RINL: variants seen among roughly 807,000 people sequenced by gnomAD.
RINL encodes the protein Ras and Rab interactor like, also known as ras and Rab interactor-like protein.
A neutral mutation model predicts 58.1 loss-of-function variants in RINL; 39 were observed. That is an observed-to-expected ratio of 0.67 (90% CI 0.52 to 0.88). The LOEUF (loss-of-function observed/expected upper bound fraction) is 0.88, where lower values mean the gene tolerates loss of function less well. RINL is among the 40% of genes least tolerant of loss of function. The pLI is 0.00. For synonymous variants in RINL, 286 were observed against 323.1 expected (o/e 0.89, Z 1.23); for missense variants, 711 against 749.2 (o/e 0.95, Z 0.60).
chr19:38,874,013 C>T (rs762015667), intron 3 of RINL, 25 bp from the exon 4 acceptor site: 11 of 1,407,766 alleles, frequency 7.8e-6, no homozygotes, highest in Middle Eastern at 1.7e-4. Context: ...CAAAGGCCAG[C>T]GTGACAAAGG....
Position 38,878,218 on chromosome 19 carries a change from C to T in RINL, c.-40+14G>A, listed in dbSNP as rs895440348. On this transcript the variant is annotated intron_variant, in intron 1 of 11. Transcript: ENST00000591812. ...GGCTGAAGATGCCAGATGCTCGGTT[C>T]CTGGGGGCCCTACCTGTTCTCGGAG... The T allele has an allele frequency of 6.6e-6, 1 of 151,954 alleles. No homozygotes were observed. The highest frequency in any genetic ancestry group is 1.5e-5 in the Non-Finnish European group (1 of 68,058). The allele number at this position is 151,954 out of a possible 1,614,324, so 9.4% of individuals were successfully genotyped here.
rs148295876 is a variant in RINL, at chr19:38,871,671, G to C, written c.427C>G (p.Leu143Val). Reference protein sequence around the residue: ...PRTLLLPPPTLGPRDEHTDPV... With the variant: ...PRTLLLPPPTVGPRDEHTDPV... ...CCTGTGTGTTCATCTCTGGGCCCTA[G>C]AGTGGGAGGGGGCAAGAGCAGGGTT... The change falls in exon 6 of 12, where the codon CTA becomes GTA. Residue 143 changes from leucine (L) to valine (V), a missense_variant. Transcript: ENST00000591812. 1.9e-6 allele frequency: 3 copies of C among 1,614,098 alleles called. No homozygotes were observed. The highest frequency in any genetic ancestry group is 1.7e-6 in the Non-Finnish European group (2 of 1,180,000).
At chr19:38,872,166 GGC>G (rs1231257842) in intron 4 of RINL, among the ~76,000 whole-genome samples, 2 of 152,174 alleles carry the variant, frequency 1.3e-5, no homozygotes, top group Non-Finnish European at 1.5e-5. Context: ...TTTAGCGGGG[GGC>G]GGAGGGGGAA....
In RINL at chr19:38,870,353, C is replaced by T; in HGVS notation, c.1025-93G>A. The stretch of plus-strand genomic sequence containing the variant: ...ACAACCCACCCTGGCCCACAGCCAC[C>T]CCTGCCTAGCTCTGGTCCCCCGTGA... On this transcript the variant is annotated intron_variant, in intron 8 of 11. Coordinates refer to ENST00000591812, the MANE Select transcript of RINL (RefSeq NM_001195833.2). The surrounding 1 kb of genome is among the most constrained non-coding windows in gnomAD (Gnocchi z 5.8). 2 of 1,092,492 alleles carry T rather than the reference C, an allele frequency of 1.8e-6. No homozygotes were observed. The highest frequency in any genetic ancestry group is 2.5e-6 in the Non-Finnish European group (2 of 805,574). 67.7% of individuals were successfully genotyped at this position (1,092,492 alleles called of 1,614,324 possible).
intron 3 of RINL, among the ~76,000 whole-genome samples, chr19:38,874,791 T>C (rs933045401): frequency 4.1e-4 from 63 of 152,188 alleles, no homozygotes; most frequent in African/African-American, 1.4e-3. Flanking sequence ...ATGATTGATA[T>C]AGGTGGTGGT....
chr19:38,871,085 AT>A lies in RINL; in HGVS notation c.593del (p.His198LeufsTer16). 1 of 1,599,720 alleles carries A rather than the reference AT, an allele frequency of 6.3e-7. No individual in the cohort carries two copies. The highest frequency in any genetic ancestry group is 8.5e-7 in the Non-Finnish European group (1 of 1,173,412). ...GGGCCCCGCCCAGCTAACCTGGATC[AT>A]GTCTCTGAGCAGCCTCTGGCTCTGT... The part of the protein sequence containing the change: ...QETEPEAAQR[H>X]DPAPRNPAPH... On this transcript the variant is annotated frameshift_variant, in exon 7 of 12. Coordinates refer to ENST00000591812, the MANE Select transcript of RINL (RefSeq NM_001195833.2). LOFTEE classifies it high-confidence loss of function.
rs1972758838 is a variant in RINL, at chr19:38,869,833, A to G, written c.1342+110T>C. 2.0e-6 allele frequency: 3 copies of G among 1,531,408 alleles called. No individual in the cohort carries two copies. The highest frequency in any genetic ancestry group is 2.6e-6 in the Non-Finnish European group (3 of 1,134,936). 94.9% of individuals were successfully genotyped at this position (1,531,408 alleles called of 1,614,324 possible). ...CTTGTCGGGCATGACAGCGCCTCCTACCAGAATCTTCAGGACCGCATAGAT... is the reference window on the plus strand; with the variant it reads ...CTTGTCGGGCATGACAGCGCCTCCTGCCAGAATCTTCAGGACCGCATAGAT... On this transcript the variant is annotated intron_variant, in intron 9 of 11. Coordinates refer to ENST00000591812, the MANE Select transcript of RINL (RefSeq NM_001195833.2). This position sits in a 1 kb window ranked among gnomAD's most constrained non-coding sequence, Gnocchi z 5.7.
At chr19:38,872,530 T>C (rs1972836673) in intron 4 of RINL, among the ~76,000 whole-genome samples, 1 of 151,766 alleles carries the variant, frequency 6.6e-6, no homozygotes, top group South Asian at 2.1e-4. Context: ...TAAAAACGAG[T>C]AAACAAAGTG....
Position 38,870,850 on chromosome 19 carries a change from G to T in RINL, c.744C>A (p.Asp248Glu), listed in dbSNP as rs62640393. The change falls in exon 8 of 12, where the codon GAC (aspartate) becomes GAA (glutamate). Residue 248 changes from aspartate to glutamate, a missense_variant. By Grantham distance (45) the Asp-to-Glu change is conservative. Transcript: ENST00000591812. The surrounding 1 kb of genome is among the most constrained non-coding windows in gnomAD (Gnocchi z 5.8). Reference protein sequence around the residue: ...DLEGKEEGREDDPEEEGPEDV... With the variant: ...DLEGKEEGREEDPEEEGPEDV... ...CCTCAGGGCCTTCCTCTTCAGGGTCGTCCTCCCTTCCTTCCTCCTTTCCTT... is the reference window on the plus strand; with the variant it reads ...CCTCAGGGCCTTCCTCTTCAGGGTCTTCCTCCCTTCCTTCCTCCTTTCCTT... 2,045 of 1,607,094 alleles carry T rather than the reference G, an allele frequency of 1.3e-3. 26 individuals carry two copies. In the African/African-American group the frequency reaches 0.025, roughly 19 times the overall value.
Position 38,876,837 on chromosome 19 carries a change from G to A in RINL, c.-39-56C>T. 9.0e-6 allele frequency: 9 copies of A among 998,990 alleles called. No homozygotes were observed. The South Asian group carries it at 1.2e-4, about 14-fold the overall frequency. The allele number at this position is 998,990 out of a possible 1,614,324, so 61.9% of individuals were successfully genotyped here. A position where few individuals can be genotyped will look rare whatever the true frequency, so the allele number is the denominator to read the frequency against. ...GCTCTAGCCCTCGGGTCATGTTCAAGATATTTACAATCAATATGGCAGAGA... is the reference window on the plus strand; with the variant it reads ...GCTCTAGCCCTCGGGTCATGTTCAAAATATTTACAATCAATATGGCAGAGA... On this transcript the variant is annotated intron_variant, in intron 1 of 11. Coordinates refer to ENST00000591812, the MANE Select transcript of RINL (RefSeq NM_001195833.2).
At chr19:38,874,027 G>A in intron 3 of RINL, 39 bp from the exon 4 acceptor site, 1 of 1,259,400 alleles carries the variant, frequency 7.9e-7, no homozygotes, top group Non-Finnish European at 1.1e-6. Flanking sequence ...ACAAAGGTGT[G>A]CGCAGATGTC....
At chr19:38,874,311 C>T (rs963060323) in intron 3 of RINL, among the ~76,000 whole-genome samples, 1 of 151,720 alleles carries the variant, frequency 6.6e-6, no homozygotes, top group Non-Finnish European at 1.5e-5. Context: ...CTTGCCCTGT[C>T]GCCCAGGCTG....
chr19:38,869,812 T>C lies in RINL; in HGVS notation c.1343-108A>G. The C allele has an allele frequency of 6.4e-7, 1 of 1,557,470 alleles. No homozygotes were observed. Among genetic ancestry groups the C allele is most frequent in the South Asian group, 1.2e-5 (1 of 86,878 alleles). On this transcript the variant is annotated intron_variant, in intron 9 of 11. Transcript: ENST00000591812. The surrounding 1 kb of genome is among the most constrained non-coding windows in gnomAD (Gnocchi z 5.7). Reference sequence around the variant, plus strand: ...GAGGGCTGGCTGCCCCTCCACCTTGTCGGGCATGACAGCGCCTCCTACCAG... The same window carrying C: ...GAGGGCTGGCTGCCCCTCCACCTTGCCGGGCATGACAGCGCCTCCTACCAG...
In RINL at chr19:38,869,452, C is replaced by T; in HGVS notation, c.1475-42G>A. ...AAGTCAGCTCCGCCCTCTCGGCTTC[C>T]CTGGTCGCCCCAAATCCCCCTGCAG... On this transcript the variant is annotated intron_variant, in intron 10 of 11. Coordinates refer to ENST00000591812, the MANE Select transcript of RINL (RefSeq NM_001195833.2). The surrounding 1 kb of genome is among the most constrained non-coding windows in gnomAD (Gnocchi z 5.7). 6.4e-7 allele frequency: 1 copy of T among 1,574,694 alleles called. No individual in the cohort carries two copies. Among genetic ancestry groups the T allele is most frequent in the Non-Finnish European group, 8.6e-7 (1 of 1,157,784 alleles).
chr19:38,875,645 C>G (rs1972907524), intron 3 of RINL, among the ~76,000 whole-genome samples: 2 of 151,156 alleles, frequency 1.3e-5, no homozygotes, highest in Admixed American at 1.3e-4. Context: ...CCATTGCACT[C>G]CAGCCTGGGC....
chr19:38,872,060 T>C (rs1972827187), intron 4 of RINL, among the ~76,000 whole-genome samples, 190 bp from the exon 5 acceptor site: 1 of 152,220 alleles, frequency 6.6e-6, no homozygotes, highest in Admixed American at 6.5e-5. Flanking sequence ...GATTCATTCA[T>C]TAGACAAACA....
At position 38,868,796 on chromosome 19, in the gene RINL, C is replaced by A. The variant is rs973003557; in HGVS notation, c.*308G>T. The stretch of plus-strand genomic sequence containing the variant: ...CTTTGCACTGGCTCATCCTGCTTCT[C>A]GGAATGCTCTTCCTAATACCCACTC... On this transcript the variant is annotated 3_prime_UTR_variant, in exon 12 of 12. Coordinates refer to ENST00000591812, the MANE Select transcript of RINL (RefSeq NM_001195833.2). The A allele has an allele frequency of 7.3e-6, 2 of 275,786 alleles. No homozygotes were observed. Among genetic ancestry groups the A allele is most frequent in the Admixed American group, 9.5e-5 (2 of 21,138 alleles). The allele number at this position is 275,786 out of a possible 1,614,324, so 17.1% of individuals were successfully genotyped here.
rs1361285889 is a variant in RINL, at chr19:38,868,993, G to T, written c.*111C>A. The T allele has an allele frequency of 8.7e-6, 8 of 921,648 alleles. No individual in the cohort carries two copies. In the Admixed American group the frequency reaches 1.0e-4, roughly 12 times the overall value. 57.1% of individuals were successfully genotyped at this position (921,648 alleles called of 1,614,324 possible). A position where few individuals can be genotyped will look rare whatever the true frequency, so the allele number is the denominator to read the frequency against. On this transcript the variant is annotated 3_prime_UTR_variant, in exon 12 of 12. Transcript: ENST00000591812. ...TTTTTTTTTTTTTTGGTAGATGGGGGTCCCACTGTTTTGCCCAGGCTGGTC... is the reference window on the plus strand; with the variant it reads ...TTTTTTTTTTTTTTGGTAGATGGGGTTCCCACTGTTTTGCCCAGGCTGGTC...
At position 38,869,443 on chromosome 19, in the gene RINL, C is replaced by G. The variant is rs775734648; in HGVS notation, c.1475-33G>C. 17 of 1,576,090 alleles carry G rather than the reference C, an allele frequency of 1.1e-5. No homozygotes were observed. Among genetic ancestry groups the G allele is most frequent in the South Asian group, 3.5e-5 (3 of 86,158 alleles). On this transcript the variant is annotated intron_variant, in intron 10 of 11. Coordinates refer to ENST00000591812, the MANE Select transcript of RINL (RefSeq NM_001195833.2). The surrounding 1 kb of genome is among the most constrained non-coding windows in gnomAD (Gnocchi z 5.7). ...CAGAAAGGGAAGTCAGCTCCGCCCTCTCGGCTTCCCTGGTCGCCCCAAATC... is the reference window on the plus strand; with the variant it reads ...CAGAAAGGGAAGTCAGCTCCGCCCTGTCGGCTTCCCTGGTCGCCCCAAATC...
Sources: gnomAD v4.1 joint callset for allele counts (sites outside exome capture counted in the v4.1 genomes callset) on GRCh38, gnomAD v4.1.1 for gene constraint, Gnocchi (gnomAD v3.1) non-coding constraint, MANE v1.5 for transcripts, NCBI Gene and HGNC (gene_info 2026-07-23, HGNC 2026-07-21) for gene names.